NT5C2: variants seen among roughly 807,000 people sequenced by gnomAD.
NT5C2 encodes 5'-nucleotidase, cytosolic II.
NT5C2 carries 58 observed loss-of-function variants against 76.1 expected under a neutral mutation model. The ratio of observed to expected loss-of-function variants is 0.76; its 90% confidence interval spans 0.62 to 0.95. The LOEUF is 0.95. Among genes scored for constraint, NT5C2 ranks in the 40% least tolerant of loss-of-function variants. NT5C2 has a pLI of 0.00. For missense variants in NT5C2, 478 were observed against 690.3 expected, an observed-to-expected ratio of 0.69 and a Z score of 3.45; for synonymous variants, 229 against 237.4, an observed-to-expected ratio of 0.96 and a Z score of 0.32.
At chr10:103,189,856 G>T (rs1260153312) in intron 1 of NT5C2, among the ~76,000 whole-genome samples, 3 of 151,498 alleles carry the variant, frequency 2.0e-5, no homozygotes, top group African/African-American at 7.3e-5. Context: ...TTTTAGTAGA[G>T]ACGGGGTTTC....
At chr10:103,158,179 AT>A (rs1310959179) in intron 3 of NT5C2, among the ~76,000 whole-genome samples, 1 of 152,194 alleles carries the variant, frequency 6.6e-6, no homozygotes, top group African/African-American at 2.4e-5. Flanking sequence ...AACGCTTACA[AT>A]TTAACGAAAA....
chr10:103,140,448 T>A (rs1182943606), intron 3 of NT5C2, among the ~76,000 whole-genome samples: 1 of 152,224 alleles, frequency 6.6e-6, no homozygotes, highest in Non-Finnish European at 1.5e-5. Flanking sequence ...ATTCAGCCCA[T>A]CAACAGATAT....
At chr10:103,098,003 G>A (rs772847968) in intron 10 of NT5C2, 5 of 522,488 alleles carry the variant, frequency 9.6e-6, no homozygotes, top group South Asian at 5.8e-5. Context: ...TAAGGGAGGT[G>A]GGTGAAAATA....
At chr10:103,128,063 CTCTCCCTCTCCCTCTCCCTCTCCCTCTG>C (rs1217443514) in intron 4 of NT5C2, among the ~76,000 whole-genome samples, 56 of 132,140 alleles carry the variant, frequency 4.2e-4, no homozygotes, top group African/African-American at 1.5e-3. Context: ...CTCCCTCTCC[CTCTCCCTCTCCCTCTCCCTCTCCCTCTG>C]TCTCCCTCTC....
chr10:103,169,896 G>A (rs1243925648), intron 3 of NT5C2, among the ~76,000 whole-genome samples: 1 of 152,154 alleles, frequency 6.6e-6, no homozygotes, highest in African/African-American at 2.4e-5. Flanking sequence ...GGAGGCTGAG[G>A]CAGGCGGATC....
chr10:103,191,650 T>C (rs914774138), intron 1 of NT5C2, among the ~76,000 whole-genome samples: 3 of 152,180 alleles, frequency 2.0e-5, no homozygotes, highest in African/African-American at 7.2e-5. Flanking sequence ...TGGTAAATTT[T>C]CATACAATGG....
chr10:103,139,376 G>A (rs1287969271), intron 4 of NT5C2, 30 bp downstream of exon 4: 3 of 1,478,586 alleles, frequency 2.0e-6, no homozygotes, highest in Non-Finnish European at 2.8e-6. Context: ...CAAAGCAGCA[G>A]TTCTTAAGCA....
intron 3 of NT5C2, among the ~76,000 whole-genome samples, chr10:103,173,837 T>C (rs1247952206): frequency 2.0e-5 from 3 of 151,908 alleles, no homozygotes; most frequent in African/African-American, 7.2e-5. Flanking sequence ...GGCTCACGCC[T>C]GTAATCCTAG....
intron 3 of NT5C2, among the ~76,000 whole-genome samples, chr10:103,154,127 C>A (rs974002599): frequency 8.5e-5 from 13 of 152,088 alleles, no homozygotes; most frequent in African/African-American, 3.1e-4. Flanking sequence ...CAATATAATG[C>A]ATAGGGATTA....
rs2066719477 is a variant in NT5C2 at position 103,091,111 on chromosome 10, TGCAACCTCTGCCTCCCA to T, written c.1212-132_1212-116del. The T allele has an allele frequency of 1.7e-5, 14 of 835,066 alleles. No homozygotes were observed. In the Admixed American group the frequency reaches 2.5e-4, roughly 15 times the overall value. The allele number at this position is 835,066 out of a possible 1,614,324, so 51.7% of individuals were successfully genotyped here. ...GTGCAGGGGTGTGATCGCGGCTCAC[TGCAACCTCTGCCTCCCA>T]GCTTCAAGCGATTCTCCTGCCTCAG... is the stretch of plus-strand genomic sequence containing the variant. On this transcript the variant is annotated intron_variant, in intron 16 of 18. Transcript: ENST00000404739.
At chr10:103,187,854 C>A (rs1455119197) in intron 1 of NT5C2, among the ~76,000 whole-genome samples, 1 of 152,004 alleles carries the variant, frequency 6.6e-6, no homozygotes, top group Non-Finnish European at 1.5e-5. Flanking sequence ...TCTTTAAAGG[C>A]AAATGAGACA....
chr10:103,160,168 GC>G (rs2084472592), intron 3 of NT5C2, among the ~76,000 whole-genome samples: 1 of 152,164 alleles, frequency 6.6e-6, no homozygotes. Context: ...AAAAAATGGT[GC>G]TAGGACAACT....
chr10:103,173,611 C>CAAA (rs1323084034), intron 3 of NT5C2, among the ~76,000 whole-genome samples: 7 of 43,140 alleles, frequency 1.6e-4, no homozygotes, highest in African/African-American at 1.8e-4. Flanking sequence ...GACGCCGTCT[C>CAAA]AAAAAAAAAA....
At chr10:103,092,541 CCTT>C (rs1362990256) in intron 15 of NT5C2, among the ~76,000 whole-genome samples, 1 of 152,160 alleles carries the variant, frequency 6.6e-6, no homozygotes, top group African/African-American at 2.4e-5. Flanking sequence ...TCCGGAGTCA[CCTT>C]CACCACACTG....
chr10:103,121,437 T>C (rs1042785318), intron 4 of NT5C2, among the ~76,000 whole-genome samples: 8 of 152,152 alleles, frequency 5.3e-5, no homozygotes, highest in Admixed American at 5.2e-4. Flanking sequence ...GGATATACAA[T>C]TGCTGACAGA....
At chr10:103,108,848 T>C (rs946195000) in intron 4 of NT5C2, among the ~76,000 whole-genome samples, 4 of 152,190 alleles carry the variant, frequency 2.6e-5, no homozygotes, top group Admixed American at 2.0e-4. Flanking sequence ...GCTAACTTTT[T>C]TTTTTCTTTT....
At chr10:103,182,288 GTAA>G (rs2091217862) in intron 1 of NT5C2, among the ~76,000 whole-genome samples, 1 of 152,048 alleles carries the variant, frequency 6.6e-6, no homozygotes, top group Non-Finnish European at 1.5e-5. Context: ...AGATAATAGG[GTAA>G]TAATAGCAGT....
At chr10:103,129,333 G>T (rs1303394692) in intron 4 of NT5C2, among the ~76,000 whole-genome samples, 1 of 109,516 alleles carries the variant, frequency 9.1e-6, no homozygotes, top group Non-Finnish European at 2.0e-5. Flanking sequence ...CAGCCGCCCC[G>T]TCCGGGAGGG....
At position 103,193,261 on chromosome 10, in the gene NT5C2, C is replaced by CA. The variant is rs1471374895; in HGVS notation, c.-195dup. 1 of 152,232 alleles carries CA rather than the reference C, an allele frequency of 6.6e-6. No homozygotes were observed. Among genetic ancestry groups the CA allele is most frequent in the East Asian group, 1.9e-4 (1 of 5,174 alleles). 9.4% of individuals were successfully genotyped at this position (152,232 alleles called of 1,614,324 possible). ...CGGCTCCAGCGCACCGCAACAATCC[C>CA]AGCGCGCAACTGCCGCAGCCGCCTC... On this transcript the variant is annotated 5_prime_UTR_variant, in exon 1 of 19. Coordinates refer to ENST00000404739, the MANE Select transcript of NT5C2 (RefSeq NM_001351169.2).
Sources: gnomAD v4.1 joint callset for allele counts (sites outside exome capture counted in the v4.1 genomes callset) on GRCh38, gnomAD v4.1.1 for gene constraint, MANE v1.5 for transcripts, NCBI Gene and HGNC (gene_info 2026-07-23, HGNC 2026-07-21) for gene names.